ABTB3: variants seen among roughly 807,000 people sequenced by gnomAD.
The protein encoded by ABTB3 is ankyrin repeat and BTB domain containing 3.
chr12:107,322,866 C>T, the ABTB3 span, among the ~76,000 whole-genome samples: 2 of 152,222 alleles, frequency 1.3e-5, no homozygotes, highest in African/African-American at 4.8e-5. Flanking sequence ...AGGCATCCCA[C>T]CTGCCCTTTA....
At chr12:107,429,544 C>T in the ABTB3 span, among the ~76,000 whole-genome samples, 70 of 152,310 alleles carry the variant, frequency 4.6e-4, 1 homozygote, top group Admixed American at 3.1e-3. Flanking sequence ...CATTTGTCCT[C>T]ACCTGCCAGG....
chr12:107,471,788 A>T, the ABTB3 span, among the ~76,000 whole-genome samples: 2 of 152,128 alleles, frequency 1.3e-5, no homozygotes, highest in African/African-American at 2.4e-5. Context: ...CTGAGTGGGC[A>T]TTAACTCTGC....
the ABTB3 span, among the ~76,000 whole-genome samples, chr12:107,414,894 A>G: frequency 2.0e-5 from 3 of 151,782 alleles, no homozygotes; most frequent in African/African-American, 7.3e-5. Flanking sequence ...TTGTATTTTT[A>G]GTAGACACAG....
the ABTB3 span, among the ~76,000 whole-genome samples, chr12:107,652,323 G>A: frequency 2.0e-5 from 3 of 152,210 alleles, no homozygotes; most frequent in African/African-American, 7.2e-5. Context: ...TCAGGGGTGA[G>A]AACCGCCCTT....
chr12:107,636,834 G>A, the ABTB3 span, among the ~76,000 whole-genome samples: 25 of 152,222 alleles, frequency 1.6e-4, no homozygotes, highest in Non-Finnish European at 5.9e-5. Flanking sequence ...TGATGTCTAG[G>A]TGCCTCATAA....
chr12:107,402,165 G>C, the ABTB3 span, among the ~76,000 whole-genome samples: 1 of 152,198 alleles, frequency 6.6e-6, no homozygotes, highest in Non-Finnish European at 1.5e-5. Flanking sequence ...CTTAGTAGTA[G>C]TACCAACCCT....
At chr12:107,554,722 GTC>G in the ABTB3 span, among the ~76,000 whole-genome samples, 2 of 152,220 alleles carry the variant, frequency 1.3e-5, no homozygotes, top group South Asian at 2.1e-4. Flanking sequence ...GGGCCTGAGA[GTC>G]TCTGTTTCTA....
chr12:107,330,846 A>C, the ABTB3 span, among the ~76,000 whole-genome samples: 10 of 152,234 alleles, frequency 6.6e-5, no homozygotes, highest in Non-Finnish European at 1.3e-4. Flanking sequence ...AAGCATGTGG[A>C]GGTCCCCATT....
the ABTB3 span, among the ~76,000 whole-genome samples, chr12:107,625,280 G>C: frequency 6.6e-6 from 1 of 152,162 alleles, no homozygotes; most frequent in African/African-American, 2.4e-5. Flanking sequence ...CCACTCTGTA[G>C]CTTGTCTTTT....
chr12:107,536,344 G>A, the ABTB3 span, among the ~76,000 whole-genome samples: 1 of 152,028 alleles, frequency 6.6e-6, no homozygotes, highest in Non-Finnish European at 1.5e-5. Flanking sequence ...GATTTTAGAG[G>A]TAAGACTTCA....
chr12:107,340,018 A>G, the ABTB3 span, among the ~76,000 whole-genome samples: 1 of 150,502 alleles, frequency 6.6e-6, no homozygotes, highest in African/African-American at 2.4e-5. Context: ...CTATTATTTT[A>G]TATCCTCAGG....
the ABTB3 span, among the ~76,000 whole-genome samples, chr12:107,364,072 CAG>C: frequency 6.6e-6 from 1 of 152,134 alleles, no homozygotes; most frequent in African/African-American, 2.4e-5. Context: ...TCCCAAATCT[CAG>C]AGGTTGAATG....
At chr12:107,616,582 T>C in the ABTB3 span, among the ~76,000 whole-genome samples, 1 of 152,210 alleles carries the variant, frequency 6.6e-6, no homozygotes, top group Non-Finnish European at 1.5e-5. Context: ...TGCTAAACTG[T>C]CCTCAGGGCC....
the ABTB3 span, among the ~76,000 whole-genome samples, chr12:107,386,306 T>C: frequency 9.9e-5 from 15 of 152,216 alleles, no homozygotes; most frequent in African/African-American, 3.6e-4. Context: ...CAGTTGTCAG[T>C]TGATATTTGC....
At chr12:107,336,369 A>T in the ABTB3 span, among the ~76,000 whole-genome samples, 398 of 152,288 alleles carry the variant, frequency 2.6e-3, 3 homozygotes, top group African/African-American at 9.3e-3. Context: ...AAGGGGAGGG[A>T]TCACATGGAA....
chr12:107,655,204 C>T, the ABTB3 span, among the ~76,000 whole-genome samples: 3 of 152,012 alleles, frequency 2.0e-5, no homozygotes, highest in Non-Finnish European at 4.4e-5. Flanking sequence ...ATGTGAGCCC[C>T]GGCTGGGAAT....
chr12:107,579,058 G>A, the ABTB3 span, among the ~76,000 whole-genome samples: 33 of 152,340 alleles, frequency 2.2e-4, no homozygotes, highest in Non-Finnish European at 4.4e-5. Flanking sequence ...GGCCAGAGGA[G>A]TCCTCTGGGG....
the ABTB3 span, among the ~76,000 whole-genome samples, chr12:107,330,688 A>G: frequency 6.6e-6 from 1 of 152,204 alleles, no homozygotes; most frequent in Admixed American, 6.5e-5. Flanking sequence ...ACAGTGATGT[A>G]TTGTCTCCTC....
chr12:107,407,067 T>C, the ABTB3 span, among the ~76,000 whole-genome samples: 1 of 152,206 alleles, frequency 6.6e-6, no homozygotes, highest in Non-Finnish European at 1.5e-5. Flanking sequence ...ATCCCAGGAC[T>C]GTCATGAGGA....
Sources: allele counts gnomAD v4.1 joint callset (sites outside exome capture counted in the v4.1 genomes callset), GRCh38; gene constraint gnomAD v4.1.1; transcripts MANE v1.5; gene names NCBI Gene and HGNC (gene_info 2026-07-23, HGNC 2026-07-21).